The following CFAP97 variants were observed in gnomAD, a reference collection of about 807,000 sequenced individuals.
CFAP97 encodes cilia- and flagella-associated protein 97.
A neutral mutation model predicts 43.1 loss-of-function variants in CFAP97; 36 were observed. The ratio of observed to expected loss-of-function variants is 0.84; its 90% CI spans 0.64 to 1.10. The LOEUF (loss-of-function observed/expected upper bound fraction) is 1.10, where lower values mean the gene tolerates loss of function less well. Ranked by LOEUF, CFAP97 falls within the 50% of genes least tolerant of loss-of-function variation. The pLI, the probability that CFAP97 is intolerant of heterozygous loss-of-function variation, is 0.00. For synonymous variants in CFAP97, 228 were observed against 225.7 expected (o/e 1.01, Z -0.09); for missense variants, 657 against 620.3 (o/e 1.06, Z -0.63).
chr4:185,174,308 C>A (rs1005204292), intron 3 of CFAP97, among the ~76,000 whole-genome samples: 1 of 152,138 alleles, frequency 6.6e-6, no homozygotes, highest in African/African-American at 2.4e-5. Flanking sequence ...TTGAATACTG[C>A]GAAGGTGATG....
intron 3 of CFAP97, among the ~76,000 whole-genome samples, chr4:185,173,586 C>T (rs1735395478): frequency 6.6e-6 from 1 of 152,042 alleles, no homozygotes; most frequent in African/African-American, 2.4e-5. Flanking sequence ...CTGATACATG[C>T]TACAACATAG....
At chr4:185,190,017 C>G in intron 2 of CFAP97, 126 bp downstream of exon 2, 2 of 651,086 alleles carry the variant, frequency 3.1e-6, no homozygotes, top group Non-Finnish European at 4.8e-6. Flanking sequence ...GGTAAAGTTA[C>G]TAATAATATC....
At position 185,190,532 on chromosome 4, in the gene CFAP97, T is replaced by C. The variant is rs747527939; in HGVS notation, c.665A>G (p.Lys222Arg). Residue 222 changes from lysine (K) to arginine (R), a missense_variant, in exon 2 of 5, where the codon AAG becomes AGG. Coordinates refer to ENST00000458385, the MANE Select transcript of CFAP97 (RefSeq NM_020827.3). Reference protein sequence around the residue: ...SGITLLSPKHKYKSGIKSTET... With the variant: ...SGITLLSPKHRYKSGIKSTET... ...TGTCGATTTTATTCCTGATTTATAC[T>C]TGTGTTTTGGTGACAGGAGGGTTAT... 1.2e-6 allele frequency: 2 copies of C among 1,613,944 alleles called. No individual in the cohort carries two copies. The highest frequency in any genetic ancestry group is 1.7e-6 in the Non-Finnish European group (2 of 1,179,866).
chr4:185,164,880 T>G (rs1459992389), intron 3 of CFAP97, among the ~76,000 whole-genome samples: 2 of 152,198 alleles, frequency 1.3e-5, no homozygotes, highest in Non-Finnish European at 2.9e-5. Flanking sequence ...CACACACATA[T>G]GGAAGCTACT....
chr4:185,182,529 C>T (rs979551855), intron 2 of CFAP97: 3 of 152,140 alleles, frequency 2.0e-5, no homozygotes, highest in Non-Finnish European at 2.9e-5. Flanking sequence ...TCACAGAACC[C>T]GAAGAACTCT....
chr4:185,181,320 C>CA (rs1735775270), intron 2 of CFAP97, among the ~76,000 whole-genome samples: 1 of 99,182 alleles, frequency 1.0e-5, no homozygotes, highest in South Asian at 3.9e-4. Context: ...CATAATCATA[C>CA]TTTTTTTTTT....
At chr4:185,202,476 G>C (rs1736899172) in intron 1 of CFAP97, among the ~76,000 whole-genome samples, 1 of 151,904 alleles carries the variant, frequency 6.6e-6, no homozygotes, top group Non-Finnish European at 1.5e-5. Context: ...TGGAACCTGG[G>C]AGCTGAGGCT....
At chr4:185,173,064 T>C (rs973904387) in intron 3 of CFAP97, among the ~76,000 whole-genome samples, 12 of 151,026 alleles carry the variant, frequency 7.9e-5, no homozygotes, top group South Asian at 2.1e-4. Flanking sequence ...ATTTTTTAAA[T>C]AGAAAAATAA....
At chr4:185,166,202 C>G (rs1172657704) in intron 3 of CFAP97, among the ~76,000 whole-genome samples, 2 of 152,154 alleles carry the variant, frequency 1.3e-5, no homozygotes, top group Non-Finnish European at 2.9e-5. Context: ...ACTGTAAAGT[C>G]CACGGTCTTC....
chr4:185,183,944 T>C (rs1467645561), intron 2 of CFAP97, among the ~76,000 whole-genome samples: 1 of 152,222 alleles, frequency 6.6e-6, no homozygotes, highest in Admixed American at 6.5e-5. Context: ...TTAATTATAA[T>C]TGGGGAACTG....
At position 185,175,803 on chromosome 4, in the gene CFAP97, T is replaced by A. The variant is rs779640934; in HGVS notation, c.1303A>T (p.Ile435Phe). The A allele has an allele frequency of 6.2e-7, 1 of 1,613,136 alleles. No individual in the cohort carries two copies. Among genetic ancestry groups the A allele is most frequent in the South Asian group, 1.1e-5 (1 of 90,850 alleles). The change falls in exon 3 of 5, where the codon ATT becomes TTT. Residue 435 changes from isoleucine (I) to phenylalanine (F), a missense_variant. Coordinates refer to ENST00000458385, the MANE Select transcript of CFAP97 (RefSeq NM_020827.3). The stretch of plus-strand genomic sequence containing the variant: ...TTACTTACCAAGTTTTCTCTCTCAA[T>A]CCTTTGTTGTTCCTTCTGTCTGTTG... The part of the protein sequence containing the change: ...ALNRQKEQQR[I>F]ERENLALLKR...
chr4:185,199,469 G>A (rs1169597659), intron 1 of CFAP97, among the ~76,000 whole-genome samples: 1 of 152,108 alleles, frequency 6.6e-6, no homozygotes, highest in Non-Finnish European at 1.5e-5. Context: ...AGGAGTTCCA[G>A]ACCAGCCTGG....
rs1401383606 is a variant in CFAP97 at position 185,190,418 on chromosome 4, G to A, written c.779C>T (p.Thr260Ile). The change falls in exon 2 of 5, where the codon ACT becomes ATT. Residue 260 changes from threonine (T) to isoleucine (I), a missense_variant. Thr to Ile is a moderately conservative substitution (Grantham distance 89). Transcript: ENST00000458385. ...AGACTGAAGAGGGCTAATGTCTGGA[G>A]TTGATAAGGGACTTACGTCAGTCAC... Reference protein sequence around the residue: ...DTVTDVSPLSTPDISPLQSFE... With the variant: ...DTVTDVSPLSIPDISPLQSFE... The A allele has an allele frequency of 6.2e-7, 1 of 1,613,556 alleles. No individual in the cohort carries two copies. The highest frequency in any genetic ancestry group is 8.5e-7 in the Non-Finnish European group (1 of 1,179,622).
intron 1 of CFAP97, among the ~76,000 whole-genome samples, chr4:185,201,325 CAAAAA>C (rs61563241): frequency 7.8e-6 from 1 of 128,212 alleles, no homozygotes; most frequent in African/African-American, 3.0e-5. Flanking sequence ...GACTCCGCCT[CAAAAA>C]AAAAAAAAAA....
Position 185,202,967 on chromosome 4 carries a change from T to C in CFAP97, c.-17+931A>G, listed in dbSNP as rs77731639. On this transcript the variant is annotated intron_variant, in intron 1 of 4. Coordinates refer to ENST00000458385, the MANE Select transcript of CFAP97 (RefSeq NM_020827.3). ...CTTAATAAAGTAGTTAAGATTCTCT[T>C]TACAACAGACTAGGAAAGGATAAAA... 3.1e-3 allele frequency among the ~76,000 whole-genome samples: 479 copies of C among 152,352 alleles called. 19 individuals carry two copies. In the South Asian group the frequency reaches 0.064, roughly 20 times the overall value.
chr4:185,165,507 A>G (rs891247611), intron 3 of CFAP97, among the ~76,000 whole-genome samples: 9 of 152,182 alleles, frequency 5.9e-5, no homozygotes, highest in African/African-American at 1.2e-4. Context: ...GAGGTAGACC[A>G]AACAGCTTGG....
chr4:185,173,156 G>A (rs1482458599), intron 3 of CFAP97, among the ~76,000 whole-genome samples: 2 of 152,058 alleles, frequency 1.3e-5, no homozygotes, highest in Non-Finnish European at 2.9e-5. Flanking sequence ...GTGGTCAGGA[G>A]ATCGAGACCA....
At chr4:185,167,282 C>T (rs1735108088) in intron 3 of CFAP97, among the ~76,000 whole-genome samples, 1 of 152,038 alleles carries the variant, frequency 6.6e-6, no homozygotes, top group African/African-American at 2.4e-5. Context: ...CCCTAGGCAA[C>T]ATGGCGAGAC....
At chr4:185,172,850 CAAAAA>C (rs1159858914) in intron 3 of CFAP97, among the ~76,000 whole-genome samples, 2 of 52,752 alleles carry the variant, frequency 3.8e-5, no homozygotes, top group Admixed American at 4.1e-4. Context: ...CCCATCTCTA[CAAAAA>C]AAAAAAAAAA....
Sources: allele counts gnomAD v4.1 joint callset (sites outside exome capture counted in the v4.1 genomes callset), GRCh38; gene constraint gnomAD v4.1.1; transcripts MANE v1.5; gene names NCBI Gene and HGNC (gene_info 2026-07-23, HGNC 2026-07-21).